The following TRIM49B variants were observed in gnomAD, a reference collection of about 807,000 sequenced individuals.
TRIM49B encodes the protein putative tripartite motif-containing protein 49B.
In TRIM49B, 18 loss-of-function variants were observed where a neutral mutation model predicts 31.8. The ratio of observed to expected loss-of-function variants is 0.57; its 90% CI spans 0.39 to 0.84. The LOEUF (loss-of-function observed/expected upper bound fraction) is 0.84, where lower values mean the gene tolerates loss of function less well. Ranked by LOEUF, TRIM49B falls within the 40% of genes least tolerant of loss-of-function variation. TRIM49B has a pLI of 0.00. For missense variants in TRIM49B, 494 were observed against 538.7 expected (o/e 0.92, Z 0.82); for synonymous variants, 196 against 180.6 (o/e 1.09, Z -0.68).
chr11:49,032,248 G>A, intron 2 of TRIM49B, 28 bp from the exon 3 acceptor site: 1 of 1,612,506 alleles, frequency 6.2e-7, no homozygotes, highest in South Asian at 1.1e-5. Context: ...GGTCTGCACT[G>A]GTGCTTCAAT....
intron 5 of TRIM49B, among the ~76,000 whole-genome samples, chr11:49,036,067 T>C (rs1300076190): frequency 1.2e-5 from 1 of 82,008 alleles, no homozygotes; most frequent in Non-Finnish European, 2.6e-5. Flanking sequence ...TAAGGAACCT[T>C]ACACATTTGG....
chr11:49,037,394 C>G, intron 6 of TRIM49B, 84 bp from the exon 7 acceptor site: 1 of 1,479,176 alleles, frequency 6.8e-7, no homozygotes, highest in Non-Finnish European at 8.9e-7. Flanking sequence ...TATGACTTTA[C>G]ATTTGCTGGT....
intron 1 of TRIM49B, among the ~76,000 whole-genome samples, chr11:49,030,816 C>T (rs1483308088): frequency 1.3e-5 from 2 of 152,184 alleles, no homozygotes; most frequent in Non-Finnish European, 2.9e-5. Context: ...ATAATTACAC[C>T]TCTCTGAGTT....
Position 49,034,371 on chromosome 11 carries a change from C to A in TRIM49B, c.733C>A (p.Leu245Ile), listed in dbSNP as rs1854493383. 15 of 1,611,962 alleles carry A rather than the reference C, an allele frequency of 9.3e-6. No homozygotes were observed. The highest frequency in any genetic ancestry group is 1.2e-5 in the Non-Finnish European group (14 of 1,179,830). ...EMCHKPDVEL[L>I]QAFGDILHRS... ...GTGCCATAAACCAGATGTGGAGCTA[C>A]TTCAGGTACAAACTCGCCATGTGGT... The change falls in exon 4 of 7, where the codon CTT becomes ATT. Residue 245 changes from leucine to isoleucine, a missense_variant. Physicochemically the swap from Leu to Ile is conservative, Grantham distance 5. Transcript: ENST00000332682.
intron 3 of TRIM49B, among the ~76,000 whole-genome samples, chr11:49,032,589 C>G (rs1854468609): frequency 7.2e-6 from 1 of 138,098 alleles, no homozygotes; most frequent in African/African-American, 2.7e-5. Flanking sequence ...TGATGTCACC[C>G]AAAGCATGCT....
intron 6 of TRIM49B, 94 bp downstream of exon 6, chr11:49,036,492 A>C: frequency 1.3e-6 from 1 of 769,330 alleles, no homozygotes; most frequent in Non-Finnish European, 2.0e-6. Flanking sequence ...CAAATATTTT[A>C]CTTCTTTTAA....
At chr11:49,032,411 G>A (rs765005402) in intron 3 of TRIM49B, 40 bp downstream of exon 3, 31 of 1,611,388 alleles carry the variant, frequency 1.9e-5, no homozygotes, top group Non-Finnish European at 2.5e-5. Context: ...GGAACTTATG[G>A]TGGGCAAATG....
At chr11:49,033,105 T>C (rs1394176504) in intron 3 of TRIM49B, among the ~76,000 whole-genome samples, 1 of 152,190 alleles carries the variant, frequency 6.6e-6, no homozygotes, top group African/African-American at 2.4e-5. Flanking sequence ...CTAGTCTACG[T>C]TGAATATTAA....
At chr11:49,029,379 G>T (rs910077175) in intron 1 of TRIM49B, among the ~76,000 whole-genome samples, 6 of 152,146 alleles carry the variant, frequency 3.9e-5, no homozygotes, top group African/African-American at 1.4e-4. Flanking sequence ...AATTAGTAAG[G>T]TAATGATGAA....
chr11:49,031,819 G>C lies in TRIM49B; in HGVS notation c.220G>C (p.Ala74Pro), dbSNP rs776272507. The C allele has an allele frequency of 1.2e-6, 2 of 1,613,956 alleles. No individual in the cohort carries two copies. The highest frequency in any genetic ancestry group is 1.3e-5 in the African/African-American group (1 of 75,038). ...AACCAACATTCATTTCAAGAAGATG[G>C]CTTCTCTTGCTAGAAAAGTCAGTCT... ...LKTNIHFKKM[A>P]SLARKVSLWL... is the part of the protein sequence containing the mutation. Residue 74 changes from alanine (A) to proline (P), a missense_variant, in exon 2 of 7, where the codon GCT (alanine) becomes CCT (proline). Around this residue, in one of 3 missense-constraint regions of TRIM49B, gnomAD observed 251 missense variants for 232.8 expected, o/e 1.08. Coordinates refer to ENST00000332682, the MANE Select transcript of TRIM49B (RefSeq NM_001206626.2).
In TRIM49B at chr11:49,034,171, C is replaced by T. The variant is rs1162627969; in HGVS notation, c.533C>T (p.Ala178Val). The change falls in exon 4 of 7, where the codon GCA (alanine) becomes GTA (valine). Residue 178 changes from alanine (A) to valine (V), a missense_variant. This residue lies in a region of TRIM49B where 251 missense variants were observed against 232.8 expected (regional missense o/e 1.08). Transcript: ENST00000332682. Reference sequence around the variant, plus strand: ...GATTATGTGAATTTAAGGCTAGAAGCAATTAGAGCTGAGTATCAGAAGATG... The same window carrying T: ...GATTATGTGAATTTAAGGCTAGAAGTAATTAGAGCTGAGTATCAGAAGATG... ...WKDYVNLRLE[A>V]IRAEYQKMPA... 2 of 1,611,774 alleles carry T rather than the reference C, an allele frequency of 1.2e-6. No homozygotes were observed. Among genetic ancestry groups the T allele is most frequent in the Admixed American group, 1.7e-5 (1 of 60,004 alleles).
chr11:49,031,681 A>G lies in TRIM49B; in HGVS notation c.82A>G (p.Ile28Val), dbSNP rs1232839383. ...GAACTACTTCATAGACCCGGTCACC[A>G]TAGACTGTGGGCACAGCTTTTGCAG... is the stretch of plus-strand genomic sequence containing the variant. ...CMNYFIDPVTIDCGHSFCRPC... is the reference protein window; with the variant it reads ...CMNYFIDPVTVDCGHSFCRPC... Residue 28 changes from isoleucine (I) to valine (V), a missense_variant, in exon 2 of 7, where the codon ATA (isoleucine) becomes GTA (valine). Around this residue, in one of 3 missense-constraint regions of TRIM49B, gnomAD observed 251 missense variants for 232.8 expected, o/e 1.08. Coordinates refer to ENST00000332682, the MANE Select transcript of TRIM49B (RefSeq NM_001206626.2). 8.7e-6 allele frequency: 14 copies of G among 1,613,860 alleles called. No homozygotes were observed. Among genetic ancestry groups the G allele is most frequent in the East Asian group, 6.7e-5 (3 of 44,882 alleles).
At chr11:49,029,805 T>G (rs1185177050) in intron 1 of TRIM49B, among the ~76,000 whole-genome samples, 2 of 152,220 alleles carry the variant, frequency 1.3e-5, no homozygotes, top group African/African-American at 4.8e-5. Flanking sequence ...AAACCACATA[T>G]GGTGGTCCCA....
chr11:49,034,230 T>C lies in TRIM49B; in HGVS notation c.592T>C (p.Leu198=). 6.2e-7 allele frequency: 1 copy of C among 1,611,896 alleles called. No homozygotes were observed. The highest frequency in any genetic ancestry group is 1.1e-5 in the South Asian group (1 of 90,980). ...TCACCATGAAGAAGAAAAACATAAT[T>C]TGGAGATGCTGAAAAAGAAGGGGAA... is the stretch of plus-strand genomic sequence containing the variant. ...AFHHEEEKHN[L]EMLKKKGKDI... The change falls in exon 4 of 7, where the codon TTG becomes CTG. Residue 198 remains leucine (L), a synonymous_variant. Coordinates refer to ENST00000332682, the MANE Select transcript of TRIM49B (RefSeq NM_001206626.2).
At chr11:49,035,188 G>A (rs1854506853) in intron 5 of TRIM49B, 71 bp downstream of exon 5, 2 of 1,585,094 alleles carry the variant, frequency 1.3e-6, no homozygotes, top group East Asian at 4.6e-5. Context: ...CTTTATTAAA[G>A]TCATGGCATA....
rs1398603510 is a variant in TRIM49B, at chr11:49,035,030, C to G, written c.739-65C>G. 1.9e-6 allele frequency: 3 copies of G among 1,592,370 alleles called. No individual in the cohort carries two copies. The African/African-American group carries it at 4.1e-5, about 22-fold the overall frequency. On this transcript the variant is annotated intron_variant, in intron 4 of 6. Coordinates refer to ENST00000332682, the MANE Select transcript of TRIM49B (RefSeq NM_001206626.2). ...TCAGAAACTGAGTACAAATCTCACA[C>G]TGAACTTAGTGAAAGATGCATCTTG...
chr11:49,035,177 G>A (rs1590635898), intron 5 of TRIM49B, 60 bp downstream of exon 5: 1 of 1,601,792 alleles, frequency 6.2e-7, no homozygotes, highest in East Asian at 2.2e-5. Flanking sequence ...ATCAAAGCAG[G>A]CTTTATTAAA....
At position 49,037,960 on chromosome 11, in the gene TRIM49B, T is replaced by C. The variant is rs1034966528; in HGVS notation, c.1342T>C (p.Cys448Arg). 2.0e-5 allele frequency: 32 copies of C among 1,611,346 alleles called. No individual in the cohort carries two copies. Among genetic ancestry groups the C allele is most frequent in the African/African-American group, 9.3e-5 (7 of 74,906 alleles). Residue 448 changes from cysteine to arginine, a missense_variant, in exon 7 of 7, where the codon TGC (cysteine) becomes CGC (arginine). Coordinates refer to ENST00000332682, the MANE Select transcript of TRIM49B (RefSeq NM_001206626.2). ...CTCACCTCCTCTCAGGCCTATCTTT[T>C]GCTGTATTCACTTCTGACCAGAGAC... ...SFSPPLRPIF[C>R]CIHF
Position 49,034,213 on chromosome 11 carries a change from A to G in TRIM49B, c.575A>G (p.Glu192Gly). 6.2e-7 allele frequency: 1 copy of G among 1,611,914 alleles called. No individual in the cohort carries two copies. Among genetic ancestry groups the G allele is most frequent in the Non-Finnish European group, 8.5e-7 (1 of 1,179,772 alleles). Residue 192 changes from glutamate to glycine, a missense_variant, in exon 4 of 7, where the codon GAA (glutamate) becomes GGA (glycine). By Grantham distance (98) the Glu-to-Gly change is moderately conservative (BLOSUM62 -2). Transcript: ENST00000332682. Reference protein sequence around the residue: ...EYQKMPAFHHEEEKHNLEMLK... With the variant: ...EYQKMPAFHHGEEKHNLEMLK... ...CAGAAGATGCCTGCATTTCACCATG[A>G]AGAAGAAAAACATAATTTGGAGATG...
Sources: gnomAD v4.1 joint callset for allele counts (sites outside exome capture counted in the v4.1 genomes callset) on GRCh38, gnomAD v4.1.1 for gene constraint, gnomAD v4.1.1 regional missense constraint, MANE v1.5 for transcripts, NCBI Gene and HGNC (gene_info 2026-07-23, HGNC 2026-07-21) for gene names.